The following GGA1 variants were observed in gnomAD, a reference collection of about 807,000 sequenced individuals.
The protein encoded by GGA1 is ADP-ribosylation factor-binding protein GGA1.
GGA1 carries 18 observed loss-of-function variants against 76.9 expected under a neutral mutation model. That is an observed-to-expected ratio of 0.23 (90% CI 0.16 to 0.35). The LOEUF (loss-of-function observed/expected upper bound fraction) is 0.35. Among genes scored for constraint, GGA1 ranks in the 10% least tolerant of loss-of-function variants. The probability of loss-of-function intolerance (pLI) is 1.00; values close to 1 mark genes in which losing one functional copy is unlikely to be tolerated. For missense variants in GGA1, 755 were observed against 859.0 expected, an observed-to-expected ratio of 0.88 and a Z score of 1.51; for synonymous variants, 342 against 354.7, an observed-to-expected ratio of 0.96 and a Z score of 0.40.
In GGA1 at chr22:37,624,060, G is replaced by T. The variant is rs1393010861; in HGVS notation, c.832+427G>T. ...CCACAGCCCAGGCAGTTCCAGACCT[G>T]AGCCTGACGGCTTCTGCCAGGGCCA... On this transcript the variant is annotated intron_variant, in intron 9 of 16. Coordinates refer to ENST00000343632, the MANE Select transcript of GGA1 (RefSeq NM_013365.5). The surrounding 1 kb of genome is among the most constrained non-coding windows in gnomAD (Gnocchi z 4.3). 1 of 181,500 alleles carries T rather than the reference G, an allele frequency of 5.5e-6. No individual in the cohort carries two copies. The highest frequency in any genetic ancestry group is 1.2e-5 in the Non-Finnish European group (1 of 83,690). The allele number at this position is 181,500 out of a possible 1,614,324, so 11.2% of individuals were successfully genotyped here. A position where few individuals can be genotyped will look rare whatever the true frequency, so the allele number is the denominator to read the frequency against.
chr22:37,624,976 C>T lies in GGA1; in HGVS notation c.840C>T (p.Ile280=), dbSNP rs1420716503. The T allele has an allele frequency of 4.4e-6, 7 of 1,587,524 alleles. No individual in the cohort carries two copies. In the South Asian group the frequency reaches 6.9e-5, roughly 16 times the overall value. ...CCCTCCTGCCTGTTCCAGCGGAGAT[C>T]CTGCAGGCCAATGACAACCTCACCC... ...TEDNDEALAE[I]LQANDNLTQV... Residue 280 remains isoleucine, a synonymous_variant, in exon 10 of 17, where the codon ATC becomes ATT. Transcript: ENST00000343632. This position sits in a 1 kb window ranked among gnomAD's most constrained non-coding sequence, Gnocchi z 4.3.
At chr22:37,618,180 T>A (rs1929171780) in intron 3 of GGA1, 1 of 372,992 alleles carries the variant, frequency 2.7e-6, no homozygotes, top group African/African-American at 2.1e-5. Context: ...GGTACTCAGA[T>A]GTGGGGCCTA....
intron 1 of GGA1, chr22:37,612,851 ATTG>A: frequency 1.1e-6 from 1 of 875,148 alleles, no homozygotes; most frequent in Non-Finnish European, 1.4e-6. Context: ...TGTAAGCTAG[ATTG>A]TTGTTTAACC....
At chr22:37,617,197 G>C (rs766220177) in intron 3 of GGA1, 200 bp downstream of exon 3, 1 of 1,432,490 alleles carries the variant, frequency 7.0e-7, no homozygotes. Context: ...ATCCATACAC[G>C]TAGGCCTGTT....
At chr22:37,618,395 C>G in intron 3 of GGA1, 53 bp from the exon 4 acceptor site, 1 of 1,097,522 alleles carries the variant, frequency 9.1e-7, no homozygotes, top group Non-Finnish European at 1.4e-6. Flanking sequence ...GGGAGGGAGG[C>G]CACGGCCTCT....
In GGA1 at chr22:37,617,060, C is replaced by T. The variant is rs755044965; in HGVS notation, c.204+63C>T. The T allele has an allele frequency of 2.0e-5, 31 of 1,556,476 alleles. No individual in the cohort carries two copies. In the African/African-American group the frequency reaches 4.1e-4, roughly 21 times the overall value. On this transcript the variant is annotated intron_variant, in intron 3 of 16. Coordinates refer to ENST00000343632, the MANE Select transcript of GGA1 (RefSeq NM_013365.5). ...GTGACGACACCAAGGGAGGCCAAGA[C>T]TGAGGTTCTTGGGGTCCATAAGGCT...
intron 1 of GGA1, 117 bp downstream of exon 1, chr22:37,609,020 C>A: frequency 7.2e-7 from 1 of 1,382,166 alleles, no homozygotes; most frequent in Non-Finnish European, 9.3e-7. Context: ...CGCCCCCGGC[C>A]CGGGAGGGGC....
chr22:37,616,917 C>T lies in GGA1; in HGVS notation c.129-5C>T. ...CTCTGGCTCTGTGTTGTTCCTCCCACCCAGGCCTCCACTCGCCACCCGGCT... is the reference window on the plus strand; with the variant it reads ...CTCTGGCTCTGTGTTGTTCCTCCCATCCAGGCCTCCACTCGCCACCCGGCT... On this transcript the variant is annotated splice_polypyrimidine_tract_variant and splice_region_variant and intron_variant, in intron 2 of 16. Transcript: ENST00000343632. 6.2e-7 allele frequency: 1 copy of T among 1,602,354 alleles called. No homozygotes were observed. The highest frequency in any genetic ancestry group is 8.5e-7 in the Non-Finnish European group (1 of 1,174,876).
chr22:37,615,313 G>T (rs568977173), intron 2 of GGA1, among the ~76,000 whole-genome samples: 1 of 152,190 alleles, frequency 6.6e-6, no homozygotes, highest in Non-Finnish European at 1.5e-5. Flanking sequence ...GCCGGGCATG[G>T]TGGTGCATGC....
chr22:37,618,457 A>G lies in GGA1; in HGVS notation c.214A>G (p.Thr72Ala), dbSNP rs754074917. 6.2e-7 allele frequency: 1 copy of G among 1,610,200 alleles called. No homozygotes were observed. Among genetic ancestry groups the G allele is most frequent in the African/African-American group, 1.3e-5 (1 of 74,850 alleles). ...CCCCCTCCCTGCACAGGTGCTGGAA[A>G]CATGCATGAAGAGCTGCGGCAAGCG... ...EAIQALTVLE[T>A]CMKSCGKRFH... The change falls in exon 4 of 17, where the codon ACA (threonine) becomes GCA (alanine). Residue 72 changes from threonine (T) to alanine (A), a missense_variant. Thr to Ala is a moderately conservative substitution (Grantham distance 58, BLOSUM62 0). Transcript: ENST00000343632.
Position 37,608,896 on chromosome 22 carries a change from G to C in GGA1, c.36G>C (p.Ala12=). The part of the protein sequence containing the change: ...EPAMEPETLE[A]RINRATNPLN... ...CGATGGAGCCGGAGACTCTGGAGGC[G>C]CGAATCAGTGAGTGTCCGGGAGGGG... The change falls in exon 1 of 17, where the codon GCG becomes GCC. Residue 12 remains alanine, a synonymous_variant. Transcript: ENST00000343632. The C allele has an allele frequency of 7.6e-7, 1 of 1,313,940 alleles. No homozygotes were observed. The highest frequency in any genetic ancestry group is 9.7e-7 in the Non-Finnish European group (1 of 1,031,200). 81.4% of individuals were successfully genotyped at this position (1,313,940 alleles called of 1,614,324 possible). A position where few individuals can be genotyped will look rare whatever the true frequency, so the allele number is the denominator to read the frequency against.
intron 11 of GGA1, among the ~76,000 whole-genome samples, chr22:37,628,409 A>G (rs1931231486): frequency 6.6e-6 from 1 of 152,192 alleles, no homozygotes; most frequent in Non-Finnish European, 1.5e-5. Context: ...AATATCACAC[A>G]GCCAAGTGGC....
chr22:37,610,204 G>A (rs983363490), intron 1 of GGA1: 17 of 152,206 alleles, frequency 1.1e-4, no homozygotes, highest in African/African-American at 1.4e-4. Context: ...CTAAAACCAG[G>A]CAGAAGTTAG....
At position 37,619,122 on chromosome 22, in the gene GGA1, A is replaced by G. The variant is rs141962387; in HGVS notation, c.303+576A>G. 3.5e-3 allele frequency among the ~76,000 whole-genome samples: 530 copies of G among 152,268 alleles called. 4 individuals carry two copies. The highest frequency in any genetic ancestry group is 0.012 in the African/African-American group (510 of 41,554). On this transcript the variant is annotated intron_variant, in intron 4 of 16. Coordinates refer to ENST00000343632, the MANE Select transcript of GGA1 (RefSeq NM_013365.5). ...GCTCTGTCACCCAGGCTGGAGTGCA[A>G]TGGCATGATCTCTACGCTCCACAAC...
At chr22:37,609,011 GC>G in intron 1 of GGA1, 108 bp downstream of exon 1, 3 of 1,362,128 alleles carry the variant, frequency 2.2e-6, no homozygotes, top group South Asian at 1.7e-5. Flanking sequence ...CTCACGCCCC[GC>G]CCCCGGCCCG....
rs1447165740 is a variant in GGA1, at chr22:37,631,002, C to T, written c.1431C>T (p.His477=). 12 of 1,613,480 alleles carry T rather than the reference C, an allele frequency of 7.4e-6. No homozygotes were observed. In the African/African-American group the frequency reaches 1.5e-4, roughly 20 times the overall value. Residue 477 remains histidine, a synonymous_variant, in exon 14 of 17, where the codon CAC becomes CAT. Transcript: ENST00000343632. The part of the protein sequence containing the change: ...SPSSSATSLL[H]TVSPEPPRPP... ...GCTCCAGCGCCACCAGCCTTCTCCA[C>T]ACCGTGTCCCCAGAGCCCCCCAGGC...
rs976136351 is a variant in GGA1 at position 37,627,599 on chromosome 22, G to C, written c.1093+1650G>C. On this transcript the variant is annotated intron_variant, in intron 11 of 16. Transcript: ENST00000343632. ...GGTGGCAGCTACCTGAGGGGCAGTG[G>C]GTGGGGAAGTACTGCAGGGCCACCA... Among the ~76,000 whole-genome samples the C allele has an allele frequency of 3.3e-4, 50 of 152,302 alleles. 1 individual carries two copies. The highest frequency in any genetic ancestry group is 1.2e-3 in the African/African-American group (50 of 41,560).
intron 7 of GGA1, among the ~76,000 whole-genome samples, chr22:37,622,424 T>G (rs1252617566): frequency 4.0e-5 from 6 of 150,242 alleles, no homozygotes; most frequent in Non-Finnish European, 8.9e-5. Flanking sequence ...CCTGGGTGCC[T>G]GCTGAAACTT....
chr22:37,618,682 C>A, intron 4 of GGA1, 136 bp downstream of exon 4: 1 of 609,072 alleles, frequency 1.6e-6, no homozygotes. Context: ...AGAACTCAGA[C>A]CTAGGAAAAA....
Sources: allele counts gnomAD v4.1 joint callset (sites outside exome capture counted in the v4.1 genomes callset), GRCh38; gene constraint gnomAD v4.1.1; non-coding constraint Gnocchi (gnomAD v3.1); transcripts MANE v1.5; gene names NCBI Gene and HGNC (gene_info 2026-07-23, HGNC 2026-07-21).